The following KCNAB1 variants were observed in gnomAD, a reference collection of about 807,000 sequenced individuals.
The protein encoded by KCNAB1 is voltage-gated potassium channel subunit beta-1.
A neutral mutation model predicts 64.6 loss-of-function variants in KCNAB1; 35 were observed. That is an observed-to-expected ratio of 0.54 (90% CI 0.41 to 0.72). KCNAB1 has a LOEUF of 0.72. Ranked by LOEUF, KCNAB1 falls within the 30% of genes least tolerant of loss-of-function variation. KCNAB1 has a pLI of 0.00. For synonymous variants in KCNAB1, 177 were observed against 183.8 expected (o/e 0.96, Z 0.30); for missense variants, 401 against 512.9 (o/e 0.78, Z 2.11).
chr3:156,253,531 G>T (rs1560159959), intron 1 of KCNAB1, among the ~76,000 whole-genome samples: 1 of 152,188 alleles, frequency 6.6e-6, no homozygotes, highest in Non-Finnish European at 1.5e-5. Context: ...AGATTCAGTG[G>T]ATTCCAACCC....
chr3:156,232,424 G>A (rs1716588422), intron 1 of KCNAB1, among the ~76,000 whole-genome samples: 1 of 152,204 alleles, frequency 6.6e-6, no homozygotes, highest in Admixed American at 6.5e-5. Context: ...CTTTAGACAG[G>A]CTCTTATTTG....
chr3:156,514,350 T>G lies in KCNAB1; in HGVS notation c.659-14T>G, dbSNP rs1208402369. ...GACAAATTCATGAAATGCTGTCTGTTTGACCTTCCACAGAAATTGTCCGAG... is the reference window on the plus strand; with the variant it reads ...GACAAATTCATGAAATGCTGTCTGTGTGACCTTCCACAGAAATTGTCCGAG... On this transcript the variant is annotated splice_polypyrimidine_tract_variant and intron_variant, in intron 8 of 13. Coordinates refer to ENST00000490337, the MANE Select transcript of KCNAB1 (RefSeq NM_172160.3). The G allele has an allele frequency of 6.2e-7, 1 of 1,608,782 alleles. No individual in the cohort carries two copies. The highest frequency in any genetic ancestry group is 8.5e-7 in the Non-Finnish European group (1 of 1,175,224).
upstream of KCNAB1, among the ~76,000 whole-genome samples, chr3:156,119,371 C>T (rs1042304185): frequency 1.2e-4 from 19 of 152,136 alleles, no homozygotes; most frequent in Non-Finnish European, 2.2e-4. Flanking sequence ...TCCTCCATAC[C>T]GTGGTGGCAG....
intron 1 of KCNAB1, among the ~76,000 whole-genome samples, chr3:156,272,552 T>C (rs1433453358): frequency 6.6e-6 from 1 of 151,966 alleles, no homozygotes; most frequent in Non-Finnish European, 1.5e-5. Flanking sequence ...CCAGGGGCTT[T>C]TCAGTCTGCT....
At chr3:156,424,638 G>A (rs1715696152) in intron 2 of KCNAB1, among the ~76,000 whole-genome samples, 2 of 152,126 alleles carry the variant, frequency 1.3e-5, no homozygotes, top group South Asian at 2.1e-4. Context: ...TTGTGTCTAC[G>A]GTGGAAAATA....
At chr3:156,448,679 G>C (rs1244809136) in intron 2 of KCNAB1, among the ~76,000 whole-genome samples, 1 of 152,104 alleles carries the variant, frequency 6.6e-6, no homozygotes, top group Non-Finnish European at 1.5e-5. Context: ...CAATCATCTA[G>C]AGACTAGAAG....
intron 1 of KCNAB1, among the ~76,000 whole-genome samples, chr3:156,236,531 C>T (rs926915068): frequency 2.6e-5 from 4 of 152,128 alleles, no homozygotes; most frequent in Admixed American, 6.5e-5. Flanking sequence ...GAACTGCCAA[C>T]CTAACAGCCA....
At chr3:156,513,740 T>C (rs1717374169) in intron 8 of KCNAB1, among the ~76,000 whole-genome samples, 1 of 152,176 alleles carries the variant, frequency 6.6e-6, no homozygotes, top group Non-Finnish European at 1.5e-5. Flanking sequence ...ATCAATTATG[T>C]GGGTGTCTTA....
chr3:156,370,523 G>A (rs1452953740), intron 1 of KCNAB1, among the ~76,000 whole-genome samples: 1 of 152,164 alleles, frequency 6.6e-6, no homozygotes, highest in Non-Finnish European at 1.5e-5. Context: ...GACACTAAGA[G>A]GGATGAGGGT....
intron 8 of KCNAB1, among the ~76,000 whole-genome samples, chr3:156,491,044 A>G (rs1715594186): frequency 6.6e-6 from 1 of 152,162 alleles, no homozygotes; most frequent in African/African-American, 2.4e-5. Flanking sequence ...GGCCTTCAAA[A>G]TTCTAAGCAA....
At chr3:156,165,731 C>T (rs975935446) in intron 1 of KCNAB1, among the ~76,000 whole-genome samples, 17 of 152,172 alleles carry the variant, frequency 1.1e-4, no homozygotes, top group African/African-American at 4.1e-4. Context: ...TTATCTTTAA[C>T]ATTATATCTG....
intron 2 of KCNAB1, among the ~76,000 whole-genome samples, chr3:156,432,449 A>G (rs1210827640): frequency 6.6e-6 from 1 of 152,234 alleles, no homozygotes; most frequent in Non-Finnish European, 1.5e-5. Flanking sequence ...TATGCAAAGA[A>G]GGACCTCCAT....
rs1344517884 is a variant in KCNAB1, at chr3:156,452,072, G to A, written c.320-827G>A. 2.0e-5 allele frequency among the ~76,000 whole-genome samples: 3 copies of A among 152,100 alleles called. No homozygotes were observed. On this transcript the variant is annotated intron_variant, in intron 2 of 13. Coordinates refer to ENST00000490337, the MANE Select transcript of KCNAB1 (RefSeq NM_172160.3). This position sits in a 1 kb window ranked among gnomAD's most constrained non-coding sequence, Gnocchi z 4.6. ...ACACGTGAGTGCAATGCTTTTATGT[G>A]GCATGTAATTAGGAATCAAAAGAAT... is the stretch of plus-strand genomic sequence containing the variant.
intron 1 of KCNAB1, among the ~76,000 whole-genome samples, chr3:156,180,716 C>T (rs1287347568): frequency 6.6e-6 from 1 of 152,070 alleles, no homozygotes; most frequent in Non-Finnish European, 1.5e-5. Context: ...CATCATCTGT[C>T]CTGAAGAACG....
chr3:156,249,599 G>T (rs554411950), intron 1 of KCNAB1, among the ~76,000 whole-genome samples: 100 of 151,670 alleles, frequency 6.6e-4, no homozygotes, highest in African/African-American at 2.4e-3. Flanking sequence ...AGAAAAAAAA[G>T]TAAATGCAGA....
At chr3:156,128,284 A>G (rs1162821676) in intron 1 of KCNAB1, among the ~76,000 whole-genome samples, 2 of 152,172 alleles carry the variant, frequency 1.3e-5, no homozygotes, top group Non-Finnish European at 2.9e-5. Flanking sequence ...ATAATGACAT[A>G]AACCTGACCA....
intron 12 of KCNAB1, among the ~76,000 whole-genome samples, chr3:156,525,528 T>G (rs1032961914): frequency 9.2e-5 from 14 of 152,270 alleles, no homozygotes; most frequent in African/African-American, 3.4e-4. Context: ...GTTTGTTTTT[T>G]GTTTTGAGAC....
intron 11 of KCNAB1, among the ~76,000 whole-genome samples, chr3:156,519,323 T>G (rs1029150945): frequency 2.6e-5 from 4 of 152,206 alleles, no homozygotes; most frequent in Non-Finnish European, 4.4e-5. Context: ...TCCCTTGGGA[T>G]CTAAGTTGAG....
intron 1 of KCNAB1, among the ~76,000 whole-genome samples, chr3:156,177,624 G>A (rs1248060624): frequency 6.6e-6 from 1 of 151,988 alleles, no homozygotes; most frequent in Non-Finnish European, 1.5e-5. Context: ...TGATCCGCCC[G>A]CCTTGGCCTC....
Sources: allele counts gnomAD v4.1 joint callset (sites outside exome capture counted in the v4.1 genomes callset), GRCh38; gene constraint gnomAD v4.1.1; non-coding constraint Gnocchi (gnomAD v3.1); transcripts MANE v1.5; gene names NCBI Gene and HGNC (gene_info 2026-07-23, HGNC 2026-07-21).